Variants in ALOXE3 observed in about 807,000 individuals in gnomAD.
ALOXE3 encodes the protein hydroperoxide isomerase ALOXE3.
ALOXE3 carries 78 observed loss-of-function variants against 87.5 expected under a neutral mutation model. That is an observed-to-expected ratio of 0.89 (90% CI 0.74 to 1.08). The LOEUF (loss-of-function observed/expected upper bound fraction) is 1.08, where lower values mean the gene tolerates loss of function less well. Among genes scored for constraint, ALOXE3 ranks in the 50% least tolerant of loss-of-function variants. The probability of loss-of-function intolerance (pLI) is 0.00; values close to 1 mark genes in which losing one functional copy is unlikely to be tolerated. For synonymous variants in ALOXE3, 363 were observed against 370.8 expected (o/e 0.98, Z 0.24); for missense variants, 946 against 912.4 (o/e 1.04, Z -0.47).
At position 8,107,952 on chromosome 17, in the gene ALOXE3, A is replaced by AG. The variant is rs1979573276; in HGVS notation, c.1684+515dup. On this transcript the variant is annotated intron_variant, in intron 13 of 15. Transcript: ENST00000448843. ...AAGAAAGAAAGAAAGAAAGAAAGAA[A>AG]GAAAGAAAGGAAGGAGAGAGAGAGA... Among the ~76,000 whole-genome samples, 2 of 4,328 alleles carry AG rather than the reference A, an allele frequency of 4.6e-4. 1 individual carries two copies. The highest frequency in any genetic ancestry group is 3.0e-3 in the African/African-American group (2 of 662). The allele number at this position is 4,328 out of a possible 152,430, so 2.8% of individuals were successfully genotyped here. A position where few individuals can be genotyped will look rare whatever the true frequency, so the allele number is the denominator to read the frequency against.
rs1044303195 is a variant in ALOXE3 at position 8,098,302 on chromosome 17, G to A, written c.1957-1496C>T. Among the ~76,000 whole-genome samples, 41 of 135,388 alleles carry A rather than the reference G, an allele frequency of 3.0e-4. 1 individual carries two copies. Among genetic ancestry groups the A allele is most frequent in the East Asian group, 2.7e-4 (1 of 3,772 alleles). The allele number at this position is 135,388 out of a possible 152,430, so 88.8% of individuals were successfully genotyped here. A position where few individuals can be genotyped will look rare whatever the true frequency, so the allele number is the denominator to read the frequency against. On this transcript the variant is annotated intron_variant, in intron 15 of 15. Coordinates refer to ENST00000448843, the MANE Select transcript of ALOXE3 (RefSeq NM_021628.3). The stretch of plus-strand genomic sequence containing the variant: ...CACCCAGGCTGGAGTGCAGTGGCGC[G>A]ATCTTGGCTCGCTGCAACCTCCGTC...
chr17:8,098,237 T>TTTG (rs1414988341), intron 15 of ALOXE3, among the ~76,000 whole-genome samples: 7 of 127,112 alleles, frequency 5.5e-5, no homozygotes, highest in Admixed American at 7.7e-5. Flanking sequence ...GGTTTTTGTT[T>TTTG]TTTTTTTTTT....
rs940841477 is a variant in ALOXE3 at position 8,114,541 on chromosome 17, G to T, written c.623C>A (p.Pro208His). 3.1e-6 allele frequency: 5 copies of T among 1,613,850 alleles called. No individual in the cohort carries two copies. Among genetic ancestry groups the T allele is most frequent in the Non-Finnish European group, 4.2e-6 (5 of 1,179,962 alleles). ...IDIPSLMYMEPNVRYSATKTI... is the reference protein window; with the variant it reads ...IDIPSLMYMEHNVRYSATKTI... ...CTTGGTGGCTGAGTATCGAACATTGGGCTCCATGTACATCAGGGATGGGAT... is the reference window on the plus strand; with the variant it reads ...CTTGGTGGCTGAGTATCGAACATTGTGCTCCATGTACATCAGGGATGGGAT... Residue 208 changes from proline (P) to histidine (H), a missense_variant, in exon 6 of 16, where the codon CCC becomes CAC. Physicochemically the swap from Pro to His is moderately conservative, Grantham distance 77 (BLOSUM62 -2). Transcript: ENST00000448843.
At chr17:8,112,653 C>T (rs531387268) in intron 6 of ALOXE3, among the ~76,000 whole-genome samples, 40 of 152,314 alleles carry the variant, frequency 2.6e-4, no homozygotes, top group African/African-American at 9.6e-4. Flanking sequence ...CAACCAAGAC[C>T]CGCTCTCCAA....
At chr17:8,099,708 G>A (rs915960724) in intron 15 of ALOXE3, among the ~76,000 whole-genome samples, 41 of 150,740 alleles carry the variant, frequency 2.7e-4, no homozygotes, top group African/African-American at 9.3e-4. Flanking sequence ...GTGGTTATAC[G>A]CCTTTCCCAT....
intron 15 of ALOXE3, 100 bp from the exon 16 acceptor site, chr17:8,096,906 G>T: frequency 7.3e-7 from 1 of 1,369,634 alleles, no homozygotes; most frequent in Middle Eastern, 1.8e-4. Context: ...GTGGCTTCTA[G>T]TAGCACAACC....
intron 15 of ALOXE3, among the ~76,000 whole-genome samples, chr17:8,099,725 T>C (rs1302411298): frequency 1.3e-5 from 2 of 151,786 alleles, no homozygotes; most frequent in Non-Finnish European, 2.9e-5. Flanking sequence ...CCATTCCTAA[T>C]GCTGTGTATT....
chr17:8,096,472 T>C lies in ALOXE3; in HGVS notation c.*155A>G. On this transcript the variant is annotated 3_prime_UTR_variant, in exon 16 of 16. Transcript: ENST00000448843. The stretch of plus-strand genomic sequence containing the variant: ...ACAGCTCAGGGCCCAGTTTGTATGA[T>C]GTCAGAGCCATCTTGGCTGCAAAAG... The C allele has an allele frequency of 1.5e-6, 1 of 680,648 alleles. No individual in the cohort carries two copies. The highest frequency in any genetic ancestry group is 2.7e-6 in the Non-Finnish European group (1 of 371,806). The allele number at this position is 680,648 out of a possible 1,614,324, so 42.2% of individuals were successfully genotyped here.
intron 15 of ALOXE3, among the ~76,000 whole-genome samples, chr17:8,100,361 G>A (rs1432412797): frequency 6.6e-6 from 1 of 152,044 alleles, no homozygotes; most frequent in African/African-American, 2.4e-5. Context: ...GTGCACTGAG[G>A]CCCCAGACAT....
chr17:8,110,524 C>T lies in ALOXE3; in HGVS notation c.962G>A (p.Gly321Glu). 1.2e-6 allele frequency: 2 copies of T among 1,613,844 alleles called. No homozygotes were observed. The highest frequency in any genetic ancestry group is 1.1e-5 in the South Asian group (1 of 91,074). ...DTCLQTELERGNIFLADYWIL... is the reference protein window; with the variant it reads ...DTCLQTELERENIFLADYWIL... ...CCAGTAGTCCGCTAGGAAGATGTTCCCCCTCTGCAGAAGGCACACAGAGGC... is the reference window on the plus strand; with the variant it reads ...CCAGTAGTCCGCTAGGAAGATGTTCTCCCTCTGCAGAAGGCACACAGAGGC... The change falls in exon 9 of 16, where the codon GGG (glycine) becomes GAG (glutamate). Residue 321 changes from glycine to glutamate, a missense_variant. By Grantham distance (98) the Gly-to-Glu change is moderately conservative. Transcript: ENST00000448843.
rs761072118 is a variant in ALOXE3, at chr17:8,110,075, C to T, written c.1305+17G>A. The T allele has an allele frequency of 3.1e-6, 5 of 1,602,736 alleles. No individual in the cohort carries two copies. The highest frequency in any genetic ancestry group is 4.3e-6 in the Non-Finnish European group (5 of 1,175,968). ...CCCGGCCCCTGCCCCGCTGGGCCCC[C>T]ACCCGGGGTCGCGGACCTTGTAGAT... On this transcript the variant is annotated intron_variant, in intron 10 of 15. Transcript: ENST00000448843.
At chr17:8,098,877 G>A (rs1039979293) in intron 15 of ALOXE3, among the ~76,000 whole-genome samples, 1 of 151,876 alleles carries the variant, frequency 6.6e-6, no homozygotes, top group Non-Finnish European at 1.5e-5. Context: ...TTTAAACAGG[G>A]TCTCACTCTG....
intron 6 of ALOXE3, among the ~76,000 whole-genome samples, chr17:8,113,102 T>A (rs1181657936): frequency 1.3e-5 from 2 of 152,176 alleles, no homozygotes; most frequent in Non-Finnish European, 1.5e-5. Flanking sequence ...ATGATAAAAA[T>A]CTATCTCTTC....
intron 15 of ALOXE3, among the ~76,000 whole-genome samples, chr17:8,103,079 A>G (rs1979023623): frequency 6.6e-6 from 1 of 152,242 alleles, no homozygotes; most frequent in Admixed American, 6.5e-5. Flanking sequence ...GCATTAACAC[A>G]TGAGTAGTTG....
chr17:8,116,706 C>T (rs548990196), intron 3 of ALOXE3, 70 bp downstream of exon 3: 36 of 1,540,998 alleles, frequency 2.3e-5, no homozygotes, highest in African/African-American at 6.8e-5. Context: ...CTCTGGGGCT[C>T]TGTGAGACCC....
At chr17:8,104,290 T>A in intron 13 of ALOXE3, 75 bp from the exon 14 acceptor site, 2 of 1,130,368 alleles carry the variant, frequency 1.8e-6, no homozygotes, top group South Asian at 2.5e-5. Flanking sequence ...GGACTGGGGC[T>A]CACCACAGGG....
chr17:8,098,234 GT>G (rs71159546), intron 15 of ALOXE3, among the ~76,000 whole-genome samples: 195 of 87,496 alleles, frequency 2.2e-3, no homozygotes, highest in African/African-American at 4.3e-3. Flanking sequence ...TTTGGTTTTT[GT>G]TTTTTTTTTT....
At chr17:8,103,300 C>T (rs1371260019) in intron 15 of ALOXE3, 23 bp downstream of exon 15, 1 of 1,612,840 alleles carries the variant, frequency 6.2e-7, no homozygotes, top group African/African-American at 1.3e-5. Context: ...AACCCTACTC[C>T]CCTCAACATC....
At chr17:8,107,970 G>A (rs1203574233) in intron 13 of ALOXE3, among the ~76,000 whole-genome samples, 1 of 16,268 alleles carries the variant, frequency 6.1e-5, no homozygotes, top group African/African-American at 2.4e-4. Context: ...AGGAAGGAGA[G>A]AGAGAGAGAG....
Sources: allele counts gnomAD v4.1 joint callset (sites outside exome capture counted in the v4.1 genomes callset), GRCh38; gene constraint gnomAD v4.1.1; transcripts MANE v1.5; gene names NCBI Gene and HGNC (gene_info 2026-07-23, HGNC 2026-07-21).